The following FAM217A variants were observed in gnomAD, a reference collection of about 807,000 sequenced individuals.
FAM217A encodes the protein family with sequence similarity 217 member A, also known as protein FAM217A.
A neutral mutation model predicts 18.5 loss-of-function variants in FAM217A; 13 were observed. The observed-to-expected ratio is 0.70, with a 90% CI of 0.46 to 1.12. The LOEUF is 1.12. FAM217A is among the 50% of genes most tolerant of loss of function. FAM217A has a pLI of 0.00. For synonymous variants in FAM217A, 161 were observed against 202.8 expected, an observed-to-expected ratio of 0.79 and a Z score of 1.75; for missense variants, 560 against 575.4, an observed-to-expected ratio of 0.97 and a Z score of 0.27.
In FAM217A at chr6:4,069,458, A is replaced by C. The variant is rs762165710; in HGVS notation, c.765T>G (p.Pro255=). The change falls in exon 7 of 7, where the codon CCT becomes CCG. Residue 255 remains proline (P), a synonymous_variant. Transcript: ENST00000274673. Reference sequence around the variant, plus strand: ...AATTGTGCAAGTCTAGAGCACTGAAAGGAGGAGGGAGAAAATCAGGATATG... The same window carrying C: ...AATTGTGCAAGTCTAGAGCACTGAACGGAGGAGGGAGAAAATCAGGATATG... ...VFPYPDFLPP[P]FSALDLHNLA... is the part of the protein sequence containing the mutation. The C allele has an allele frequency of 1.2e-6, 2 of 1,614,074 alleles. No individual in the cohort carries two copies. The highest frequency in any genetic ancestry group is 1.7e-6 in the Non-Finnish European group (2 of 1,180,028).
Position 4,068,536 on chromosome 6 carries a change from A to G in FAM217A, c.*160T>C, listed in dbSNP as rs1362935702. On this transcript the variant is annotated 3_prime_UTR_variant, in exon 7 of 7. Coordinates refer to ENST00000274673, the MANE Select transcript of FAM217A (RefSeq NM_173563.3). ...CTGTGGGTTTATATATAGACATCTC[A>G]GCAGTGCTTTTCACAAGTTCTACTC... 1.5e-6 allele frequency: 1 copy of G among 683,820 alleles called. No homozygotes were observed. Among genetic ancestry groups the G allele is most frequent in the East Asian group, 2.8e-5 (1 of 36,284 alleles). The allele number at this position is 683,820 out of a possible 1,614,324, so 42.4% of individuals were successfully genotyped here.
At chr6:4,071,015 G>T (rs924297805) in intron 6 of FAM217A, among the ~76,000 whole-genome samples, 1 of 151,558 alleles carries the variant, frequency 6.6e-6, no homozygotes, top group Non-Finnish European at 1.5e-5. Context: ...AAGAGAAAAA[G>T]AAAAAGAAAA....
At position 4,074,437 on chromosome 6, in the gene FAM217A, C is replaced by T. The variant is rs200047848; in HGVS notation, c.159+6G>A. The T allele has an allele frequency of 8.9e-6, 14 of 1,574,258 alleles. No individual in the cohort carries two copies. The highest frequency in any genetic ancestry group is 1.2e-5 in the Non-Finnish European group (14 of 1,146,810). On this transcript the variant is annotated splice_donor_region_variant and intron_variant, in intron 4 of 6. Coordinates refer to ENST00000274673, the MANE Select transcript of FAM217A (RefSeq NM_173563.3). ...GAATACCTTAAAACCAAACATTCAT[C>T]CTTACCTTGTTAATTTTGCCTGAAA...
At chr6:4,077,597 G>C (rs1769916107) in intron 1 of FAM217A, 149 bp from the exon 2 acceptor site, 1 of 666,752 alleles carries the variant, frequency 1.5e-6, no homozygotes, top group East Asian at 2.8e-5. Context: ...GGGGGTGACA[G>C]TACGAAACCA....
chr6:4,079,583 C>T (rs1232642871), upstream of FAM217A: 7 of 1,286,714 alleles, frequency 5.4e-6, no homozygotes, highest in Admixed American at 9.2e-5. Context: ...GAGCTCTCCG[C>T]GACATGGCCA....
At chr6:4,076,518 T>C (rs947080416) in intron 2 of FAM217A, among the ~76,000 whole-genome samples, 1 of 152,198 alleles carries the variant, frequency 6.6e-6, no homozygotes, top group Admixed American at 6.5e-5. Context: ...GATACTTTTG[T>C]ATGAAATGCA....
chr6:4,070,279 A>C (rs1009566867), intron 6 of FAM217A, among the ~76,000 whole-genome samples: 2 of 152,216 alleles, frequency 1.3e-5, no homozygotes, highest in Non-Finnish European at 2.9e-5. Context: ...GAAAATGAGG[A>C]TATCTAACTC....
Position 4,069,487 on chromosome 6 carries a change from A to G in FAM217A, c.736T>C (p.Phe246Leu). 6.2e-7 allele frequency: 1 copy of G among 1,614,176 alleles called. No individual in the cohort carries two copies. The highest frequency in any genetic ancestry group is 1.1e-5 in the South Asian group (1 of 91,080). Residue 246 changes from phenylalanine to leucine, a missense_variant, in exon 7 of 7, where the codon TTT (phenylalanine) becomes CTT (leucine). Transcript: ENST00000274673. ...EPFTEEPNEV[F>L]PYPDFLPPPF... Reference sequence around the variant, plus strand: ...GGAGGGAGAAAATCAGGATATGGAAATACTTCATTTGGCTCCTCGGTGAAA... The same window carrying G: ...GGAGGGAGAAAATCAGGATATGGAAGTACTTCATTTGGCTCCTCGGTGAAA...
upstream of FAM217A, chr6:4,079,423 C>T (rs1770108535): frequency 6.0e-6 from 2 of 330,642 alleles, no homozygotes; most frequent in East Asian, 9.9e-5. Flanking sequence ...CGCGGGAAAG[C>T]CTGAGCCTCC....
chr6:4,080,280 C>T (rs1384558694), upstream of FAM217A, among the ~76,000 whole-genome samples: 1 of 152,178 alleles, frequency 6.6e-6, no homozygotes, highest in Non-Finnish European at 1.5e-5. Flanking sequence ...CACCTTCCAC[C>T]TACCTTACTC....
At chr6:4,071,180 A>C (rs1476955142) in intron 6 of FAM217A, among the ~76,000 whole-genome samples, 1 of 152,194 alleles carries the variant, frequency 6.6e-6, no homozygotes, top group Non-Finnish European at 1.5e-5. Flanking sequence ...CCCCTTTGCT[A>C]CCAGTGAGTG....
Position 4,077,461 on chromosome 6 carries a change from CG to C in FAM217A, c.-34-14del. The C allele has an allele frequency of 1.3e-6, 2 of 1,591,500 alleles. No homozygotes were observed. The highest frequency in any genetic ancestry group is 1.7e-6 in the Non-Finnish European group (2 of 1,159,696). On this transcript the variant is annotated splice_polypyrimidine_tract_variant and intron_variant, in intron 1 of 6. Coordinates refer to ENST00000274673, the MANE Select transcript of FAM217A (RefSeq NM_173563.3). Reference sequence around the variant, plus strand: ...TTTCCTTAAAATCCTACACAGATTGCGGGATAGGCACATTTATGGGTAAGGG... The same window carrying C: ...TTTCCTTAAAATCCTACACAGATTGCGGATAGGCACATTTATGGGTAAGGG...
chr6:4,085,327 T>TATATATATAA lies in FAM217A; in HGVS notation c.19-518_19-517insTTATATATAT, dbSNP rs1333779215. 1.3e-4 allele frequency among the ~76,000 whole-genome samples: 20 copies of TATATATATAA among 148,632 alleles called. No homozygotes were observed. In the East Asian group the frequency reaches 3.9e-3, roughly 29 times the overall value. ...GTAAAAAAAAATATATATATATATATAAAATATGTAAAAATATATATCCAT... is the reference window on the plus strand; with the variant it reads ...GTAAAAAAAAATATATATATATATATATATATATAAAAAATATGTAAAAATATATATCCAT... On this transcript the variant is annotated intron_variant, in intron 1 of 8. Transcript: ENST00000639338.
At chr6:4,078,825 T>G in intron 1 of FAM217A, 27 bp downstream of exon 1, 1 of 444,598 alleles carries the variant, frequency 2.2e-6, no homozygotes, top group Non-Finnish European at 4.0e-6. Flanking sequence ...GCTGCGGGAT[T>G]CCCCGGGGCC....
chr6:4,079,562 CT>C, upstream of FAM217A: 1 of 1,272,274 alleles, frequency 7.9e-7, no homozygotes, highest in Non-Finnish European at 1.0e-6. Flanking sequence ...TTCCCTGGGC[CT>C]CTCCAGGCTG....
chr6:4,077,710 G>C (rs1403252648), intron 1 of FAM217A, among the ~76,000 whole-genome samples: 1 of 152,136 alleles, frequency 6.6e-6, no homozygotes, highest in African/African-American at 2.4e-5. Context: ...AGGTGAGAAA[G>C]CAAATATCAG....
At chr6:4,075,340 C>T (rs183643492) in intron 2 of FAM217A, among the ~76,000 whole-genome samples, 31 of 152,106 alleles carry the variant, frequency 2.0e-4, no homozygotes, top group Admixed American at 1.8e-3. Flanking sequence ...TCTCAAAATA[C>T]ATACATAAAT....
intron 6 of FAM217A, among the ~76,000 whole-genome samples, chr6:4,071,018 A>G (rs2113857958): frequency 6.6e-6 from 1 of 152,276 alleles, no homozygotes; most frequent in South Asian, 2.1e-4. Flanking sequence ...AGAAAAAGAA[A>G]AAGAAAAAAA....
upstream of FAM217A, among the ~76,000 whole-genome samples, chr6:4,080,610 A>G (rs1378418945): frequency 6.6e-6 from 1 of 152,172 alleles, no homozygotes; most frequent in Non-Finnish European, 1.5e-5. Context: ...CTGCTGCTCT[A>G]AAATACAGAC....
Sources: gnomAD v4.1 joint callset for allele counts (sites outside exome capture counted in the v4.1 genomes callset) on GRCh38, gnomAD v4.1.1 for gene constraint, MANE v1.5 for transcripts, NCBI Gene and HGNC (gene_info 2026-07-23, HGNC 2026-07-21) for gene names.